The following SNTB1 variants were observed in gnomAD, a reference collection of about 807,000 sequenced individuals.
SNTB1 encodes syntrophin beta 1.
SNTB1 carries 36 observed loss-of-function variants against 48.9 expected under a neutral mutation model. The observed-to-expected ratio is 0.74, with a 90% CI of 0.56 to 0.97. The LOEUF (loss-of-function observed/expected upper bound fraction) is 0.97. Among genes scored for constraint, SNTB1 ranks in the 50% least tolerant of loss-of-function variants. The pLI is 0.00. For missense variants in SNTB1, 786 were observed against 703.4 expected, an observed-to-expected ratio of 1.12 and a Z score of -1.33; for synonymous variants, 299 against 294.6, an observed-to-expected ratio of 1.01 and a Z score of -0.15.
chr8:120,779,812 T>C (rs1819801991), intron 1 of SNTB1, among the ~76,000 whole-genome samples: 1 of 152,122 alleles, frequency 6.6e-6, no homozygotes, highest in African/African-American at 2.4e-5. Flanking sequence ...TGGTTTGAGG[T>C]ATGTCACGTT....
intron 1 of SNTB1, among the ~76,000 whole-genome samples, chr8:120,745,663 A>G (rs1258181646): frequency 6.6e-6 from 1 of 152,090 alleles, no homozygotes; most frequent in East Asian, 1.9e-4. Context: ...TTGGAGCAAA[A>G]CAGGAAATAT....
At chr8:120,568,103 A>G (rs559029866) in intron 4 of SNTB1, among the ~76,000 whole-genome samples, 4 of 152,308 alleles carry the variant, frequency 2.6e-5, no homozygotes, top group East Asian at 3.9e-4. Context: ...GTGCTGGGGT[A>G]ACCTCTGCAA....
intron 4 of SNTB1, among the ~76,000 whole-genome samples, chr8:120,562,016 C>T (rs1815668741): frequency 6.6e-6 from 1 of 152,182 alleles, no homozygotes; most frequent in South Asian, 2.1e-4. Context: ...CTCCCCAAAC[C>T]CATCCAAACA....
intron 4 of SNTB1, among the ~76,000 whole-genome samples, chr8:120,569,367 G>A (rs1815805827): frequency 6.6e-6 from 1 of 152,196 alleles, no homozygotes; most frequent in South Asian, 2.1e-4. Flanking sequence ...TATGGGTTTA[G>A]GCTATTCATC....
intron 3 of SNTB1, among the ~76,000 whole-genome samples, chr8:120,626,776 A>G (rs1816892290): frequency 6.6e-6 from 1 of 152,186 alleles, no homozygotes; most frequent in African/African-American, 2.4e-5. Context: ...GGGCATCTTC[A>G]TCCTTCATCA....
intron 1 of SNTB1, among the ~76,000 whole-genome samples, chr8:120,772,280 A>G (rs1487563718): frequency 7.0e-6 from 1 of 143,398 alleles, no homozygotes; most frequent in Non-Finnish European, 1.5e-5. Flanking sequence ...GAGTCTCACT[A>G]TGCCGCCTAG....
At chr8:120,747,053 A>G (rs61336384) in intron 1 of SNTB1, among the ~76,000 whole-genome samples, 2 of 151,918 alleles carry the variant, frequency 1.3e-5, no homozygotes, top group Non-Finnish European at 2.9e-5. Context: ...AAAAATGTCC[A>G]TGGTGTATTT....
rs1587167471 is a variant in SNTB1, at chr8:120,793,436, C to G, written c.571+17837G>C. Among the ~76,000 whole-genome samples the G allele has an allele frequency of 2.0e-5, 3 of 152,162 alleles. No individual in the cohort carries two copies. The East Asian group carries it at 5.8e-4, about 29-fold the overall frequency. ...GATTTTTCCACAGCAGTTGCAGTAA[C>G]CACTTCTAATCATGCTGCTAAAAAG... On this transcript the variant is annotated intron_variant, in intron 1 of 6. Transcript: ENST00000517992.
At position 120,606,405 on chromosome 8, in the gene SNTB1, A is replaced by G. The variant is rs531114996; in HGVS notation, c.996+26039T>C. On this transcript the variant is annotated intron_variant, in intron 3 of 6. Coordinates refer to ENST00000517992, the MANE Select transcript of SNTB1 (RefSeq NM_021021.4). The stretch of plus-strand genomic sequence containing the variant: ...AAATACTATGTCAGTGCGTGTGTGT[A>G]TATATGTGTGTGTGTGTGTGTGTGT... Among the ~76,000 whole-genome samples the G allele has an allele frequency of 5.4e-4, 34 of 63,548 alleles. 1 individual carries two copies. In the East Asian group the frequency reaches 9.5e-3, roughly 18 times the overall value. 41.7% of individuals were successfully genotyped at this position (63,548 alleles called of 152,430 possible). A position where few individuals can be genotyped will look rare whatever the true frequency, so the allele number is the denominator to read the frequency against.
intron 1 of SNTB1, among the ~76,000 whole-genome samples, chr8:120,773,365 T>C (rs1819674501): frequency 6.6e-6 from 1 of 152,054 alleles, no homozygotes; most frequent in Non-Finnish European, 1.5e-5. Flanking sequence ...TACAAATAAA[T>C]ACATAAATAA....
chr8:120,809,922 T>C (rs773055767), intron 1 of SNTB1, among the ~76,000 whole-genome samples: 1 of 151,898 alleles, frequency 6.6e-6, no homozygotes, highest in African/African-American at 2.4e-5. Context: ...TACCAGGGAG[T>C]TGCATCAGCT....
chr8:120,748,949 T>G (rs1819168573), intron 1 of SNTB1, among the ~76,000 whole-genome samples: 2 of 152,180 alleles, frequency 1.3e-5, no homozygotes, highest in Non-Finnish European at 2.9e-5. Flanking sequence ...CTACCAACCT[T>G]GTAGTGATTT....
intron 4 of SNTB1, among the ~76,000 whole-genome samples, chr8:120,572,840 G>A (rs1464680339): frequency 6.6e-6 from 1 of 152,142 alleles, no homozygotes; most frequent in Non-Finnish European, 1.5e-5. Flanking sequence ...ACTTGAACCC[G>A]GGAGGCAGAG....
intron 1 of SNTB1, among the ~76,000 whole-genome samples, chr8:120,718,965 A>C (rs1372012177): frequency 6.6e-6 from 1 of 152,182 alleles, no homozygotes; most frequent in Non-Finnish European, 1.5e-5. Flanking sequence ...AAGGTCACTG[A>C]TCAGCATCTG....
chr8:120,781,916 T>C (rs914826538), intron 1 of SNTB1, among the ~76,000 whole-genome samples: 3 of 152,222 alleles, frequency 2.0e-5, no homozygotes, highest in Non-Finnish European at 4.4e-5. Context: ...TACTGACATA[T>C]AGCCAGGTGT....
At chr8:120,806,503 A>G (rs1010324409) in intron 1 of SNTB1, among the ~76,000 whole-genome samples, 6 of 152,150 alleles carry the variant, frequency 3.9e-5, no homozygotes, top group African/African-American at 1.4e-4. Context: ...TTTCTCCTTT[A>G]TATTACTACT....
chr8:120,766,620 T>C (rs1206164073), intron 1 of SNTB1, among the ~76,000 whole-genome samples: 1 of 152,206 alleles, frequency 6.6e-6, no homozygotes, highest in African/African-American at 2.4e-5. Context: ...ATATTGGCAA[T>C]ACCAAATTGA....
chr8:120,771,521 A>G (rs1243233638), intron 1 of SNTB1, among the ~76,000 whole-genome samples: 3 of 152,254 alleles, frequency 2.0e-5, no homozygotes, highest in Non-Finnish European at 4.4e-5. Context: ...TGTGAAATGC[A>G]AGTGTAGTAC....
chr8:120,584,049 C>T (rs1224847704), intron 3 of SNTB1, among the ~76,000 whole-genome samples: 2 of 152,168 alleles, frequency 1.3e-5, no homozygotes, highest in Non-Finnish European at 1.5e-5. Context: ...CGTGGTGGCT[C>T]ACGCTTGTAA....
Sources: gnomAD v4.1 joint callset for allele counts (sites outside exome capture counted in the v4.1 genomes callset) on GRCh38, gnomAD v4.1.1 for gene constraint, MANE v1.5 for transcripts, NCBI Gene and HGNC (gene_info 2026-07-23, HGNC 2026-07-21) for gene names.